Variants in BCHE observed in about 807,000 individuals in gnomAD.
BCHE encodes cholinesterase.
A neutral mutation model predicts 51.3 loss-of-function variants in BCHE; 48 were observed. The observed-to-expected ratio is 0.94, with a 90% CI of 0.74 to 1.19. The LOEUF is 1.19. Among genes scored for constraint, BCHE ranks in the 50% most tolerant of loss-of-function variants. The pLI is 0.00. For synonymous variants in BCHE, 251 were observed against 238.0 expected (o/e 1.05, Z -0.50); for missense variants, 847 against 708.2 (o/e 1.20, Z -2.23).
In BCHE at chr3:165,773,447, T is replaced by G; in HGVS notation, c.1744A>C (p.Met582Leu). 3.1e-6 allele frequency: 5 copies of G among 1,609,082 alleles called. No individual in the cohort carries two copies. Among genetic ancestry groups the G allele is most frequent in the Non-Finnish European group, 4.3e-6 (5 of 1,175,794 alleles). The change falls in exon 4 of 4, where the codon ATG becomes CTG. Residue 582 changes from methionine (M) to leucine (L), a missense_variant. Physicochemically the swap from Met to Leu is conservative, Grantham distance 15. Transcript: ENST00000264381. ...KAGFHRWNNY[M>L]MDWKNQFNDY... ...TTAAATTGATTTTTCCAGTCCATCA[T>G]GTAATTGTTCCAGCGATGGAATCCT... is the stretch of plus-strand genomic sequence containing the variant.
intron 2 of BCHE, among the ~76,000 whole-genome samples, chr3:165,823,895 C>A (rs1001132962): frequency 2.7e-5 from 4 of 150,024 alleles, no homozygotes; most frequent in African/African-American, 7.3e-5. Context: ...GTAGCTGAGG[C>A]TACAGGTGTG....
At chr3:165,777,866 A>G (rs1475272497) in intron 3 of BCHE, 1 of 377,350 alleles carries the variant, frequency 2.7e-6, no homozygotes, top group African/African-American at 2.1e-5. Flanking sequence ...AGTAGTAAAT[A>G]TATTTTCTCT....
At chr3:165,786,450 A>G in intron 2 of BCHE, 139 bp from the exon 3 acceptor site, 1 of 745,566 alleles carries the variant, frequency 1.3e-6, no homozygotes, top group Non-Finnish European at 2.1e-6. Flanking sequence ...ATGATATGAA[A>G]CGTATGTGAA....
chr3:165,792,504 TTTAC>T (rs1418583840), intron 2 of BCHE, among the ~76,000 whole-genome samples: 1 of 152,284 alleles, frequency 6.6e-6, no homozygotes, highest in East Asian at 1.9e-4. Context: ...ATGGGATATT[TTTAC>T]TTAGTAATGA....
rs1163112265 is a variant in BCHE at position 165,808,366 on chromosome 3, G to T, written c.1517+21151C>A. 2.0e-5 allele frequency among the ~76,000 whole-genome samples: 3 copies of T among 151,830 alleles called. No homozygotes were observed. In the East Asian group the frequency reaches 5.8e-4, roughly 29 times the overall value. On this transcript the variant is annotated intron_variant, in intron 2 of 3. Transcript: ENST00000264381. ...AATTTATATATGCTGATGGAAAATA[G>T]ATTTCAAGATTTATTTTAATATGTC...
At position 165,829,389 on chromosome 3, in the gene BCHE, G is replaced by A. The variant is rs1441935102; in HGVS notation, c.1517+128C>T. 20 of 855,882 alleles carry A rather than the reference G, an allele frequency of 2.3e-5. No homozygotes were observed. The Admixed American group carries it at 4.3e-4, about 19-fold the overall frequency. 53.0% of individuals were successfully genotyped at this position (855,882 alleles called of 1,614,324 possible). A position where few individuals can be genotyped will look rare whatever the true frequency, so the allele number is the denominator to read the frequency against. ...CATAAGAAAAAATAAAACCAGCTTT[G>A]GTACAAATAGAACAAATAATTAAAA... On this transcript the variant is annotated intron_variant, in intron 2 of 3. Coordinates refer to ENST00000264381, the MANE Select transcript of BCHE (RefSeq NM_000055.4).
intron 2 of BCHE, among the ~76,000 whole-genome samples, chr3:165,808,908 A>T (rs1206387700): frequency 6.6e-6 from 1 of 152,242 alleles, no homozygotes; most frequent in South Asian, 2.1e-4. Context: ...ATACTGCAGA[A>T]AAATGCTAAA....
intron 2 of BCHE, among the ~76,000 whole-genome samples, chr3:165,808,230 C>T (rs1330583786): frequency 6.6e-6 from 1 of 151,908 alleles, no homozygotes; most frequent in East Asian, 1.9e-4. Context: ...CGTGATCAGC[C>T]CGCTTCTGCC....
intron 3 of BCHE, among the ~76,000 whole-genome samples, chr3:165,784,653 GA>G (rs1712871349): frequency 6.6e-6 from 1 of 151,872 alleles, no homozygotes; most frequent in South Asian, 2.1e-4. Flanking sequence ...TTTGGAAATA[GA>G]AATTTGTGAA....
intron 1 of BCHE, among the ~76,000 whole-genome samples, chr3:165,833,614 A>G (rs1330778164): frequency 6.6e-6 from 1 of 152,170 alleles, no homozygotes; most frequent in Non-Finnish European, 1.5e-5. Context: ...TAAGTAAAAT[A>G]TAACAATGAC....
In BCHE at chr3:165,786,238, A is replaced by C; in HGVS notation, c.1591T>G (p.Leu531Val). 6.2e-7 allele frequency: 1 copy of C among 1,612,276 alleles called. No homozygotes were observed. The highest frequency in any genetic ancestry group is 8.5e-7 in the Non-Finnish European group (1 of 1,178,724). Residue 531 changes from leucine (L) to valine (V), a missense_variant, in exon 3 of 4, where the codon TTG (leucine) becomes GTG (valine). Leu to Val is a conservative substitution (Grantham distance 32). Transcript: ENST00000264381. Reference sequence around the variant, plus strand: ...ATTATTCTTGTTGACTCTGTATTCAAGGTTAGATATTTTTGTTCAGTGCTT... The same window carrying C: ...ATTATTCTTGTTGACTCTGTATTCACGGTTAGATATTTTTGTTCAGTGCTT... ...FKSTEQKYLT[L>V]NTESTRIMTK...
intron 2 of BCHE, among the ~76,000 whole-genome samples, chr3:165,827,136 T>G (rs1322631808): frequency 1.3e-5 from 2 of 152,158 alleles, no homozygotes; most frequent in Admixed American, 6.6e-5. Context: ...ACTTAATTAT[T>G]CAAAGCTTCT....
chr3:165,834,871 G>T (rs1180570622), intron 1 of BCHE, among the ~76,000 whole-genome samples: 1 of 151,590 alleles, frequency 6.6e-6, no homozygotes, highest in African/African-American at 2.4e-5. Flanking sequence ...AATAAATTCT[G>T]GTGCAATTGG....
intron 1 of BCHE, among the ~76,000 whole-genome samples, chr3:165,832,688 C>T (rs115686079): frequency 1.9e-3 from 287 of 152,236 alleles, no homozygotes; most frequent in African/African-American, 6.7e-3. Flanking sequence ...ATGTACAAAG[C>T]CTTCCCTTTA....
chr3:165,791,492 G>A (rs1312169724), intron 2 of BCHE, among the ~76,000 whole-genome samples: 1 of 152,154 alleles, frequency 6.6e-6, no homozygotes, highest in Admixed American at 6.6e-5. Context: ...GATCTTACAT[G>A]TATTTTGTAG....
rs557112656 is a variant in BCHE, at chr3:165,830,014, A to T, written c.1020T>A (p.Phe340Leu). Residue 340 changes from phenylalanine to leucine, a missense_variant, in exon 2 of 4, where the codon TTT (phenylalanine) becomes TTA (leucine). By Grantham distance (22) the Phe-to-Leu change is conservative. Transcript: ENST00000264381. ...CACCCACCAAAATCTGGGTTTTTTT[A>T]AATTGTCCAAGTTCAAGTAATATGT... ...MPDILLELGQ[F>L]KKTQILVGVN... 6.2e-7 allele frequency: 1 copy of T among 1,613,786 alleles called. No individual in the cohort carries two copies. The highest frequency in any genetic ancestry group is 8.5e-7 in the Non-Finnish European group (1 of 1,179,876).
At chr3:165,805,607 TAAG>T (rs1314020724) in intron 2 of BCHE, among the ~76,000 whole-genome samples, 1 of 152,190 alleles carries the variant, frequency 6.6e-6, no homozygotes, top group Non-Finnish European at 1.5e-5. Context: ...TATGATTCTG[TAAG>T]ATCTGAGATA....
intron 3 of BCHE, among the ~76,000 whole-genome samples, chr3:165,779,134 A>G (rs1163509674): frequency 6.6e-6 from 1 of 152,182 alleles, no homozygotes; most frequent in East Asian, 1.9e-4. Context: ...TTAATCTCGT[A>G]CTACGGATGC....
intron 2 of BCHE, among the ~76,000 whole-genome samples, chr3:165,827,609 A>C (rs560249761): frequency 6.7e-6 from 1 of 150,356 alleles, no homozygotes; most frequent in South Asian, 2.1e-4. Flanking sequence ...TGCAACATGC[A>C]AAAAAATGAA....
Sources: gnomAD v4.1 joint callset for allele counts (sites outside exome capture counted in the v4.1 genomes callset) on GRCh38, gnomAD v4.1.1 for gene constraint, MANE v1.5 for transcripts, NCBI Gene and HGNC (gene_info 2026-07-23, HGNC 2026-07-21) for gene names.